The following CCDC192 variants were observed in gnomAD, a reference collection of about 807,000 sequenced individuals.
The protein encoded by CCDC192 is coiled-coil domain containing 192.
chr5:127,758,265 A>G (rs750863684), intron 3 of CCDC192, among the ~76,000 whole-genome samples: 33 of 152,200 alleles, frequency 2.2e-4, no homozygotes, highest in Non-Finnish European at 4.3e-4. Flanking sequence ...GGTCTCCTTC[A>G]GCAAGGTCCA....
intron 2 of CCDC192, among the ~76,000 whole-genome samples, chr5:127,726,781 C>A (rs1278805634): frequency 6.6e-6 from 1 of 152,128 alleles, no homozygotes; most frequent in Non-Finnish European, 1.5e-5. Context: ...GGGATGAAAC[C>A]CTGGGGTAAG....
intron 2 of CCDC192, among the ~76,000 whole-genome samples, chr5:127,713,025 G>A (rs1328055791): frequency 2.0e-5 from 3 of 151,942 alleles, no homozygotes; most frequent in Non-Finnish European, 2.9e-5. Flanking sequence ...ACCTGTGGTC[G>A]GGAGTTCGAG....
chr5:127,939,031 C>T (rs1754274814), intron 6 of CCDC192, among the ~76,000 whole-genome samples: 1 of 150,484 alleles, frequency 6.6e-6, no homozygotes, highest in African/African-American at 2.4e-5. Flanking sequence ...ATCGCAGAGG[C>T]AATGAACTAA....
intron 5 of CCDC192, among the ~76,000 whole-genome samples, chr5:127,864,930 G>A (rs1751538759): frequency 1.3e-5 from 2 of 152,266 alleles, no homozygotes; most frequent in African/African-American, 2.4e-5. Flanking sequence ...GGCGGATCAC[G>A]AGGTCAGGAG....
intron 3 of CCDC192, among the ~76,000 whole-genome samples, chr5:127,793,144 A>G (rs1383679414): frequency 6.6e-6 from 1 of 152,204 alleles, no homozygotes; most frequent in Non-Finnish European, 1.5e-5. Flanking sequence ...CTAAAAAAAA[A>G]GTTGAAATTA....
rs867978118 is a variant in CCDC192, at chr5:127,752,454, G to A, written c.115-1814G>A. Among the ~76,000 whole-genome samples, 38 of 152,334 alleles carry A rather than the reference G, an allele frequency of 2.5e-4. 1 individual carries two copies. In the Middle Eastern group the frequency reaches 0.014, roughly 55 times the overall value. On this transcript the variant is annotated intron_variant, in intron 2 of 6. Coordinates refer to ENST00000514853, the MANE Select transcript of CCDC192 (RefSeq NM_001317938.2). Reference sequence around the variant, plus strand: ...GTCAGGGGTCAGGGACCCACTTGAGGAGGCAGTCTGCCCGTTCTCAGATCT... The same window carrying A: ...GTCAGGGGTCAGGGACCCACTTGAGAAGGCAGTCTGCCCGTTCTCAGATCT...
At chr5:127,725,460 G>A (rs768680882) in intron 2 of CCDC192, among the ~76,000 whole-genome samples, 1 of 152,068 alleles carries the variant, frequency 6.6e-6, no homozygotes, top group East Asian at 1.9e-4. Flanking sequence ...AATTAAATTT[G>A]AATAATACAT....
At chr5:127,774,855 C>T (rs1310189923) in intron 3 of CCDC192, among the ~76,000 whole-genome samples, 1 of 152,166 alleles carries the variant, frequency 6.6e-6, no homozygotes, top group Non-Finnish European at 1.5e-5. Context: ...ATATTGCCAT[C>T]TTCATAATAT....
At position 127,752,884 on chromosome 5, in the gene CCDC192, C is replaced by T. The variant is rs546757310; in HGVS notation, c.115-1384C>T. On this transcript the variant is annotated intron_variant, in intron 2 of 6. Transcript: ENST00000514853. Reference sequence around the variant, plus strand: ...GGGAGTGACCCGATTTTCCAGGTGCCGTTCGTCACCCCTTTCTTTGACTAG... The same window carrying T: ...GGGAGTGACCCGATTTTCCAGGTGCTGTTCGTCACCCCTTTCTTTGACTAG... 4.6e-5 allele frequency among the ~76,000 whole-genome samples: 7 copies of T among 152,288 alleles called. No individual in the cohort carries two copies. In the East Asian group the frequency reaches 7.7e-4, roughly 17 times the overall value.
intron 2 of CCDC192, chr5:127,740,103 CAG>C (rs1384781814): frequency 6.6e-6 from 1 of 152,236 alleles, no homozygotes; most frequent in Non-Finnish European, 1.5e-5. Flanking sequence ...ATTATCCAAA[CAG>C]AGAACGACAC....
At chr5:127,706,893 C>T (rs997260372) in intron 1 of CCDC192, among the ~76,000 whole-genome samples, 2 of 152,024 alleles carry the variant, frequency 1.3e-5, no homozygotes, top group Non-Finnish European at 1.5e-5. Context: ...TGATCAAAGA[C>T]GAGAAGGAAG....
intron 5 of CCDC192, among the ~76,000 whole-genome samples, chr5:127,834,359 G>A (rs1468261551): frequency 2.0e-5 from 3 of 152,152 alleles, no homozygotes; most frequent in Non-Finnish European, 4.4e-5. Flanking sequence ...CCACTCCTTT[G>A]AGTTACTCAT....
chr5:127,850,485 A>G (rs577919292), intron 5 of CCDC192, among the ~76,000 whole-genome samples: 15 of 152,252 alleles, frequency 9.9e-5, no homozygotes, highest in African/African-American at 3.6e-4. Context: ...ATAACAAGGA[A>G]ATTCTCCATT....
intron 2 of CCDC192, among the ~76,000 whole-genome samples, chr5:127,750,368 T>C (rs1396427789): frequency 6.6e-6 from 1 of 152,232 alleles, no homozygotes; most frequent in Non-Finnish European, 1.5e-5. Flanking sequence ...CATTTCATTA[T>C]GTACCCAGTA....
intron 3 of CCDC192, among the ~76,000 whole-genome samples, chr5:127,755,400 C>A (rs967297420): frequency 6.6e-6 from 1 of 152,024 alleles, no homozygotes; most frequent in African/African-American, 2.4e-5. Flanking sequence ...CCCTTCATTT[C>A]TTTTTCAGCT....
At chr5:127,797,775 A>ATATATTTATT (rs1757259786) in intron 4 of CCDC192, among the ~76,000 whole-genome samples, 1 of 127,486 alleles carries the variant, frequency 7.8e-6, no homozygotes, top group Non-Finnish European at 1.6e-5. Flanking sequence ...ATATATATAT[A>ATATATTTATT]TATTTATTTA....
intron 6 of CCDC192, among the ~76,000 whole-genome samples, chr5:127,914,282 G>T (rs1753455840): frequency 6.6e-6 from 1 of 152,266 alleles, no homozygotes; most frequent in African/African-American, 2.4e-5. Flanking sequence ...TATACTGTCT[G>T]CCCTGACCAG....
At chr5:127,713,473 A>G (rs1407839478) in intron 2 of CCDC192, among the ~76,000 whole-genome samples, 1 of 152,150 alleles carries the variant, frequency 6.6e-6, no homozygotes. Context: ...AATTTTTCAT[A>G]TATATTTTGC....
intron 3 of CCDC192, among the ~76,000 whole-genome samples, chr5:127,774,850 G>T (rs1352081450): frequency 6.6e-6 from 1 of 152,128 alleles, no homozygotes; most frequent in Non-Finnish European, 1.5e-5. Context: ...GAGGCATATT[G>T]CCATCTTCAT....
Sources: gnomAD v4.1 joint callset for allele counts (sites outside exome capture counted in the v4.1 genomes callset) on GRCh38, gnomAD v4.1.1 for gene constraint, MANE v1.5 for transcripts, NCBI Gene and HGNC (gene_info 2026-07-23, HGNC 2026-07-21) for gene names.